Variants in AIM2 observed in about 807,000 individuals in gnomAD.
AIM2 encodes absent in melanoma 2.
AIM2 carries 30 observed loss-of-function variants against 27.7 expected under a neutral mutation model. The ratio of observed to expected loss-of-function variants is 1.08; its 90% CI spans 0.81 to 1.47. The LOEUF (loss-of-function observed/expected upper bound fraction) is 1.47. AIM2 is among the 40% of genes most tolerant of loss of function. The pLI, the probability that AIM2 is intolerant of heterozygous loss-of-function variation, is 0.00. For missense variants in AIM2, 358 were observed against 411.3 expected (o/e 0.87, Z 1.12); for synonymous variants, 141 against 145.3 (o/e 0.97, Z 0.21).
chr1:159,094,310 T>C (rs1657121078), intron 1 of AIM2, among the ~76,000 whole-genome samples: 1 of 152,200 alleles, frequency 6.6e-6, no homozygotes, highest in South Asian at 2.1e-4. Context: ...TTTCATAAAT[T>C]GGGTGGTAGG....
In AIM2 at chr1:159,116,210, T is replaced by C. The variant is rs1356954584; in HGVS notation, c.-16+24221A>G. Among the ~76,000 whole-genome samples, 19 of 152,094 alleles carry C rather than the reference T, an allele frequency of 1.2e-4. 1 individual carries two copies. The East Asian group carries it at 2.9e-3, about 23-fold the overall frequency. On this transcript the variant is annotated intron_variant, in intron 1 of 2. Coordinates refer to the AIM2 transcript ENST00000368129. ...AAGTGCTGGACAGGATGTGGAGAAA[T>C]AGGAACACTTTTACACTGTTGGTGG...
chr1:159,145,230 AG>A (rs2102063073), upstream of AIM2, among the ~76,000 whole-genome samples: 1 of 152,302 alleles, frequency 6.6e-6, no homozygotes, highest in East Asian at 1.9e-4. Flanking sequence ...CCCTTAAGGA[AG>A]GGTAAAATGG....
At chr1:159,063,779 G>A in intron 4 of AIM2, 105 bp from the exon 5 acceptor site, 1 of 1,205,254 alleles carries the variant, frequency 8.3e-7, no homozygotes, top group Non-Finnish European at 1.2e-6. Context: ...GAAATCAGTT[G>A]ATTCTTGAAC....
chr1:159,080,353 A>G (rs1656748322), upstream of AIM2, among the ~76,000 whole-genome samples: 1 of 152,232 alleles, frequency 6.6e-6, no homozygotes, highest in South Asian at 2.1e-4. Context: ...AGTTTTAAGA[A>G]TAAGGAGAAA....
chr1:159,084,896 G>GA (rs1310654804), intron 1 of AIM2, among the ~76,000 whole-genome samples: 1 of 151,136 alleles, frequency 6.6e-6, no homozygotes, highest in South Asian at 2.1e-4. Context: ...TAAACTCACA[G>GA]AAAAAACAAA....
chr1:159,139,515 A>G (rs1046318201), intron 1 of AIM2, among the ~76,000 whole-genome samples: 3 of 152,232 alleles, frequency 2.0e-5, no homozygotes, highest in African/African-American at 7.2e-5. Context: ...TGTAGGAAAG[A>G]CAATATACTC....
rs538679408 is a variant in AIM2, at chr1:159,089,737, C to T, written c.-15-23408G>A. Among the ~76,000 whole-genome samples the T allele has an allele frequency of 2.0e-4, 30 of 152,314 alleles. No homozygotes were observed. In the South Asian group the frequency reaches 6.0e-3, roughly 31 times the overall value. On this transcript the variant is annotated intron_variant, in intron 1 of 2. Coordinates refer to the AIM2 transcript ENST00000368129. ...ATGTACCCTGAGTCCCAGAATCACA[C>T]AATCATAAGAATATACACATGGTTT...
intron 1 of AIM2, among the ~76,000 whole-genome samples, chr1:159,093,567 T>C (rs927221607): frequency 1.3e-5 from 2 of 152,042 alleles, no homozygotes; most frequent in Non-Finnish European, 2.9e-5. Context: ...GACAAATAAA[T>C]TGTGGCATAT....
At chr1:159,143,891 C>G (rs1648158694), upstream of AIM2, among the ~76,000 whole-genome samples, 1 of 152,120 alleles carries the variant, frequency 6.6e-6, no homozygotes, top group African/African-American at 2.4e-5. Flanking sequence ...GTAGGAATGA[C>G]CCTGAAACAT....
At chr1:159,072,352 G>T (rs1387982453) in intron 2 of AIM2, among the ~76,000 whole-genome samples, 1 of 152,190 alleles carries the variant, frequency 6.6e-6, no homozygotes, top group Non-Finnish European at 1.5e-5. Flanking sequence ...TGTGTGAGAA[G>T]CCATGTCACC....
chr1:159,142,744 T>C (rs1467379286), upstream of AIM2, among the ~76,000 whole-genome samples: 1 of 152,218 alleles, frequency 6.6e-6, no homozygotes, highest in Non-Finnish European at 1.5e-5. Flanking sequence ...GACAATTCCA[T>C]AATCACCGTT....
intron 1 of AIM2, among the ~76,000 whole-genome samples, chr1:159,094,651 T>C (rs1570960932): frequency 6.6e-6 from 1 of 152,212 alleles, no homozygotes; most frequent in South Asian, 2.1e-4. Flanking sequence ...TGAGCCAAGA[T>C]TGCATTACTG....
intron 1 of AIM2, among the ~76,000 whole-genome samples, chr1:159,137,683 T>C (rs1648036008): frequency 6.6e-6 from 1 of 152,094 alleles, no homozygotes; most frequent in Admixed American, 6.5e-5. Context: ...ATAAAACCTA[T>C]GTGTTGGTAT....
intron 1 of AIM2, among the ~76,000 whole-genome samples, chr1:159,107,157 G>A (rs1333391704): frequency 2.6e-5 from 4 of 152,076 alleles, no homozygotes; most frequent in Non-Finnish European, 5.9e-5. Flanking sequence ...TCCAATTTAG[G>A]GATAAACTAG....
At chr1:159,101,555 G>A (rs1042494819) in intron 1 of AIM2, among the ~76,000 whole-genome samples, 4 of 152,226 alleles carry the variant, frequency 2.6e-5, no homozygotes, top group Non-Finnish European at 5.9e-5. Flanking sequence ...CAGTTTGGAA[G>A]GCTCAGAAGA....
At chr1:159,085,731 TG>T (rs1557899940) in intron 1 of AIM2, among the ~76,000 whole-genome samples, 2 of 152,092 alleles carry the variant, frequency 1.3e-5, no homozygotes, top group East Asian at 3.9e-4. Flanking sequence ...AGACAGCAAG[TG>T]GTTGGGCTAA....
At chr1:159,097,976 C>T (rs1428409025) in intron 1 of AIM2, among the ~76,000 whole-genome samples, 1 of 152,146 alleles carries the variant, frequency 6.6e-6, no homozygotes, top group South Asian at 2.1e-4. Context: ...TATGAAAACA[C>T]ATTTTTAAAA....
intron 1 of AIM2, among the ~76,000 whole-genome samples, chr1:159,133,463 C>T (rs1046267140): frequency 6.6e-6 from 1 of 152,192 alleles, no homozygotes; most frequent in African/African-American, 2.4e-5. Context: ...ACCACCCTCT[C>T]TTCATGTCTT....
At chr1:159,140,392 C>T (rs1648088388) in intron 1 of AIM2, 1 of 152,054 alleles carries the variant, frequency 6.6e-6, no homozygotes, top group African/African-American at 2.4e-5. Context: ...ATCAATCTCC[C>T]TCCAGGGTCC....
Sources: gnomAD v4.1 joint callset for allele counts (sites outside exome capture counted in the v4.1 genomes callset) on GRCh38, gnomAD v4.1.1 for gene constraint, MANE v1.5 for transcripts, NCBI Gene and HGNC (gene_info 2026-07-23, HGNC 2026-07-21) for gene names.